Variants in SIPA1L2 observed in about 807,000 individuals in gnomAD.
The protein encoded by SIPA1L2 is signal induced proliferation associated 1 like 2, also known as signal-induced proliferation-associated 1-like protein 2.
In SIPA1L2, 56 loss-of-function variants were observed where a neutral mutation model predicts 163.9. That is an observed-to-expected ratio of 0.34 (90% CI 0.28 to 0.43). The LOEUF (loss-of-function observed/expected upper bound fraction) is 0.43, where lower values mean the gene tolerates loss of function less well. Among genes scored for constraint, SIPA1L2 ranks in the 20% least tolerant of loss-of-function variants. The pLI is 1.00. For missense variants in SIPA1L2, 1,974 were observed against 2,193.5 expected (o/e 0.90, Z 2.00); for synonymous variants, 877 against 865.7 (o/e 1.01, Z -0.23).
intron 17 of SIPA1L2, 123 bp from the exon 18 acceptor site, chr1:232,425,931 A>G: frequency 1.2e-6 from 1 of 865,806 alleles, no homozygotes; most frequent in Admixed American, 2.5e-5. Flanking sequence ...TTTCTCTGTT[A>G]GCTCAAGAAT....
At chr1:232,433,287 G>A (rs1461565246) in intron 15 of SIPA1L2, among the ~76,000 whole-genome samples, 1 of 152,170 alleles carries the variant, frequency 6.6e-6, no homozygotes, top group African/African-American at 2.4e-5. Flanking sequence ...AAGTCACAAA[G>A]AATACAATGA....
intron 2 of SIPA1L2, among the ~76,000 whole-genome samples, chr1:232,569,548 C>T (rs952849700): frequency 2.6e-5 from 4 of 152,204 alleles, no homozygotes. Context: ...CATGGTGGCT[C>T]ACACCTGTAA....
At chr1:232,425,464 A>C in intron 18 of SIPA1L2, 125 bp downstream of exon 18, 1 of 675,768 alleles carries the variant, frequency 1.5e-6, no homozygotes, top group Admixed American at 3.6e-5. Flanking sequence ...ACACCAAATA[A>C]TATATATTTA....
At chr1:232,452,776 G>C (rs1046530851) in intron 10 of SIPA1L2, among the ~76,000 whole-genome samples, 1 of 152,164 alleles carries the variant, frequency 6.6e-6, no homozygotes, top group African/African-American at 2.4e-5. Context: ...TTGGGCTCTA[G>C]GCTTAAAACC....
intron 10 of SIPA1L2, among the ~76,000 whole-genome samples, chr1:232,458,924 A>G (rs139487506): frequency 2.0e-5 from 3 of 152,224 alleles, no homozygotes; most frequent in Non-Finnish European, 2.9e-5. Context: ...GACAGATTCA[A>G]CTAGGCAGAA....
chr1:232,473,271 T>C (rs1287329540), intron 7 of SIPA1L2, among the ~76,000 whole-genome samples: 1 of 152,238 alleles, frequency 6.6e-6, no homozygotes, highest in Non-Finnish European at 1.5e-5. Context: ...CATCATTGTG[T>C]TCAATGTATC....
chr1:232,566,360 A>G (rs1449157360), intron 2 of SIPA1L2, among the ~76,000 whole-genome samples: 2 of 152,208 alleles, frequency 1.3e-5, no homozygotes, highest in Non-Finnish European at 2.9e-5. Flanking sequence ...TATTTCCTCC[A>G]AAGAGAAATG....
intron 5 of SIPA1L2, among the ~76,000 whole-genome samples, chr1:232,489,339 C>T (rs1480991262): frequency 4.6e-5 from 7 of 152,294 alleles, no homozygotes; most frequent in African/African-American, 1.7e-4. Flanking sequence ...CCCGCCATAA[C>T]ATGTTTTCAT....
At chr1:232,472,601 G>C (rs1664854980) in intron 7 of SIPA1L2, among the ~76,000 whole-genome samples, 1 of 152,162 alleles carries the variant, frequency 6.6e-6, no homozygotes, top group Non-Finnish European at 1.5e-5. Context: ...ATAGATTTGT[G>C]CTCTCAAAAG....
intron 2 of SIPA1L2, among the ~76,000 whole-genome samples, chr1:232,531,850 C>T (rs1656972588): frequency 6.6e-6 from 1 of 152,050 alleles, no homozygotes; most frequent in African/African-American, 2.4e-5. Context: ...GGAAATCAGC[C>T]ACACAGATAG....
At chr1:232,411,175 T>C (rs1478323795) in intron 19 of SIPA1L2, among the ~76,000 whole-genome samples, 1 of 152,192 alleles carries the variant, frequency 6.6e-6, no homozygotes, top group Non-Finnish European at 1.5e-5. Flanking sequence ...CATTTACATA[T>C]TTAGATTTAC....
chr1:232,490,124 G>A (rs1206137192), intron 5 of SIPA1L2, among the ~76,000 whole-genome samples: 3 of 152,030 alleles, frequency 2.0e-5, no homozygotes, highest in Non-Finnish European at 4.4e-5. Context: ...AATCTCCTTG[G>A]CCTAGCATAC....
At chr1:232,572,358 C>T (rs1659780397) in intron 2 of SIPA1L2, among the ~76,000 whole-genome samples, 1 of 152,154 alleles carries the variant, frequency 6.6e-6, no homozygotes, top group African/African-American at 2.4e-5. Context: ...ATTTCCTATG[C>T]TGAAAATGTT....
chr1:232,456,206 C>T (rs1663908004), intron 10 of SIPA1L2, among the ~76,000 whole-genome samples: 1 of 152,036 alleles, frequency 6.6e-6, no homozygotes, highest in Admixed American at 6.5e-5. Context: ...GATTTCAGCC[C>T]ACCATTTATT....
intron 2 of SIPA1L2, among the ~76,000 whole-genome samples, chr1:232,560,612 C>A (rs934296350): frequency 1.3e-5 from 2 of 152,212 alleles, no homozygotes; most frequent in African/African-American, 4.8e-5. Flanking sequence ...CTCTCACCTG[C>A]CTCCTCTGCA....
intron 22 of SIPA1L2, 119 bp downstream of exon 22, chr1:232,402,273 T>A (rs1166616592): frequency 1.4e-6 from 1 of 734,664 alleles, no homozygotes; most frequent in African/African-American, 1.8e-5. Flanking sequence ...TTGGTATTTA[T>A]CATTGGTTTT....
intron 1 of SIPA1L2, among the ~76,000 whole-genome samples, chr1:232,624,289 A>G (rs1662963964): frequency 6.6e-6 from 1 of 152,246 alleles, no homozygotes; most frequent in South Asian, 2.1e-4. Flanking sequence ...CCCTGTACAA[A>G]GAATCAAAAC....
At chr1:232,462,536 C>G in intron 9 of SIPA1L2, 1 of 423,892 alleles carries the variant, frequency 2.4e-6, no homozygotes, top group Non-Finnish European at 4.1e-6. Flanking sequence ...GTTCACGACT[C>G]AGCAAAATGC....
intron 1 of SIPA1L2, among the ~76,000 whole-genome samples, chr1:232,581,317 G>A (rs181012672): frequency 4.6e-5 from 7 of 152,188 alleles, no homozygotes; most frequent in African/African-American, 1.4e-4. Flanking sequence ...GGATGATGTC[G>A]GGATCTTAAG....
Sources: allele counts gnomAD v4.1 joint callset (sites outside exome capture counted in the v4.1 genomes callset), GRCh38; gene constraint gnomAD v4.1.1; transcripts MANE v1.5; gene names NCBI Gene and HGNC (gene_info 2026-07-23, HGNC 2026-07-21).